Variants in ETS1 observed in about 807,000 individuals in gnomAD.
ETS1 encodes the protein ETS proto-oncogene 1, transcription factor, also known as protein C-ets-1.
ETS1 carries 15 observed loss-of-function variants against 58.6 expected under a neutral mutation model. The observed-to-expected ratio is 0.26, with a 90% confidence interval of 0.17 to 0.39. The LOEUF (loss-of-function observed/expected upper bound fraction) is 0.39, where lower values mean the gene tolerates loss of function less well. ETS1 is among the 10% of genes least tolerant of loss of function. The probability of loss-of-function intolerance (pLI) is 1.00; values close to 1 mark genes in which losing one functional copy is unlikely to be tolerated. For missense variants in ETS1, 417 were observed against 610.5 expected, an observed-to-expected ratio of 0.68 and a Z score of 3.34; for synonymous variants, 214 against 218.2, an observed-to-expected ratio of 0.98 and a Z score of 0.17.
intron 8 of ETS1, among the ~76,000 whole-genome samples, chr11:128,470,292 G>A (rs75936273): frequency 0.011 from 1,684 of 152,290 alleles, 23 homozygotes; most frequent in African/African-American, 0.037. Flanking sequence ...GTGGAGTACT[G>A]AGTGATGACG....
intron 8 of ETS1, among the ~76,000 whole-genome samples, chr11:128,468,158 C>T (rs189920900): frequency 3.3e-5 from 5 of 152,306 alleles, no homozygotes; most frequent in African/African-American, 9.6e-5. Context: ...ATGTTCACCC[C>T]CTAAGGGGAC....
At chr11:128,495,199 T>TG (rs1862906955) in intron 3 of ETS1, among the ~76,000 whole-genome samples, 1 of 152,130 alleles carries the variant, frequency 6.6e-6, no homozygotes, top group African/African-American at 2.4e-5. Context: ...AGGGACCAGC[T>TG]GGGGCTAGAA....
chr11:128,572,954 G>A (rs1282690641), intron 2 of ETS1, 108 bp downstream of exon 2: 13 of 786,588 alleles, frequency 1.7e-5, no homozygotes, highest in African/African-American at 3.4e-5. Context: ...GAACCTTGGA[G>A]TTCAGGTTCC....
intron 1 of ETS1, among the ~76,000 whole-genome samples, chr11:128,584,992 AAGG>A (rs1565420834): frequency 0.016 from 750 of 46,500 alleles, 153 homozygotes; most frequent in Non-Finnish European, 0.02. Context: ...GAAAGAAAGG[AAGG>A]AAGGAAGGAA....
At chr11:128,479,768 G>A (rs980823778) in intron 8 of ETS1, among the ~76,000 whole-genome samples, 1 of 152,048 alleles carries the variant, frequency 6.6e-6, no homozygotes, top group African/African-American at 2.4e-5. Flanking sequence ...AGAGTCCAGT[G>A]CGGAGGCCAT....
At chr11:128,563,189 G>A (rs1187192741) in intron 2 of ETS1, among the ~76,000 whole-genome samples, 2 of 152,100 alleles carry the variant, frequency 1.3e-5, no homozygotes, top group African/African-American at 4.8e-5. Context: ...GTCTTTGCTT[G>A]ACTTCAGAAT....
At chr11:128,486,736 G>A (rs1862643171) in intron 5 of ETS1, among the ~76,000 whole-genome samples, 2 of 152,218 alleles carry the variant, frequency 1.3e-5, no homozygotes, top group African/African-American at 4.8e-5. Context: ...TGTCAAGGGA[G>A]AGAAGAGCAA....
intron 2 of ETS1, among the ~76,000 whole-genome samples, chr11:128,559,156 T>C (rs1426996690): frequency 6.6e-6 from 1 of 152,186 alleles, no homozygotes; most frequent in African/African-American, 2.4e-5. Flanking sequence ...CCTGCTAGGG[T>C]GGTGGGAACC....
intron 3 of ETS1, among the ~76,000 whole-genome samples, chr11:128,501,319 G>A (rs977597515): frequency 6.6e-6 from 1 of 152,188 alleles, no homozygotes; most frequent in Non-Finnish European, 1.5e-5. Flanking sequence ...TTTGACTGGT[G>A]CAGACTAAGA....
intron 3 of ETS1, among the ~76,000 whole-genome samples, chr11:128,541,199 G>A (rs888512032): frequency 5.9e-5 from 9 of 152,190 alleles, no homozygotes; most frequent in Admixed American, 1.3e-4. Flanking sequence ...ACGGCAGCCA[G>A]GTTGCGTGAT....
chr11:128,554,838 A>G (rs1229685318), intron 3 of ETS1, among the ~76,000 whole-genome samples: 1 of 152,128 alleles, frequency 6.6e-6, no homozygotes, highest in Non-Finnish European at 1.5e-5. Flanking sequence ...AGCCATTTTG[A>G]CCTTTTGCTT....
intron 2 of ETS1, among the ~76,000 whole-genome samples, chr11:128,562,111 G>GGGT (rs2135564029): frequency 6.6e-6 from 1 of 152,336 alleles, no homozygotes; most frequent in African/African-American, 2.4e-5. Context: ...ACTAAGAAAA[G>GGGT]GGTGGTCTTG....
intron 3 of ETS1, among the ~76,000 whole-genome samples, chr11:128,517,567 A>ACCT (rs556934164): frequency 7.0e-4 from 106 of 152,344 alleles, no homozygotes; most frequent in Non-Finnish European, 1.2e-3. Context: ...AATGACAAGA[A>ACCT]CCTACCACCT....
chr11:128,515,979 T>C (rs1274760324), intron 3 of ETS1, among the ~76,000 whole-genome samples: 1 of 152,192 alleles, frequency 6.6e-6, no homozygotes, highest in Non-Finnish European at 1.5e-5. Context: ...ATCAATAAAA[T>C]ATTTACGGCT....
intron 2 of ETS1, among the ~76,000 whole-genome samples, chr11:128,568,917 G>C (rs1274870452): frequency 6.6e-6 from 1 of 152,232 alleles, no homozygotes; most frequent in African/African-American, 2.4e-5. Flanking sequence ...CTCGGAGCAG[G>C]AACACAGTCT....
intron 3 of ETS1, among the ~76,000 whole-genome samples, chr11:128,540,394 T>C (rs1479956308): frequency 6.6e-6 from 1 of 151,542 alleles, no homozygotes; most frequent in East Asian, 1.9e-4. Context: ...CACAATACTG[T>C]AAATACACTA....
chr11:128,529,893 A>G (rs1037690305), intron 3 of ETS1, among the ~76,000 whole-genome samples: 3 of 152,188 alleles, frequency 2.0e-5, no homozygotes, highest in Admixed American at 6.5e-5. Flanking sequence ...AGAGGAAGTA[A>G]AATGCATAGC....
At chr11:128,484,716 T>C in intron 7 of ETS1, 107 bp downstream of exon 7, 3 of 973,406 alleles carry the variant, frequency 3.1e-6, no homozygotes, top group South Asian at 3.3e-5. Flanking sequence ...AACTGAGGAA[T>C]CTACAGGTCT....
intron 8 of ETS1, among the ~76,000 whole-genome samples, chr11:128,470,629 G>A (rs1862162499): frequency 6.6e-6 from 1 of 151,832 alleles, no homozygotes; most frequent in South Asian, 2.1e-4. Context: ...AAAGAAGAAT[G>A]AAACAACAGA....
Sources: allele counts gnomAD v4.1 joint callset (sites outside exome capture counted in the v4.1 genomes callset), GRCh38; gene constraint gnomAD v4.1.1; transcripts MANE v1.5; gene names NCBI Gene and HGNC (gene_info 2026-07-23, HGNC 2026-07-21).